WDR76: variants seen among roughly 807,000 people sequenced by gnomAD.
The protein encoded by WDR76 is WD repeat-containing protein 76.
A neutral mutation model predicts 70.2 loss-of-function variants in WDR76; 52 were observed. The ratio of observed to expected loss-of-function variants is 0.74; its 90% confidence interval spans 0.59 to 0.93. The LOEUF is 0.93. WDR76 is among the 40% of genes least tolerant of loss of function. The probability of loss-of-function intolerance (pLI) is 0.00; values close to 1 mark genes in which losing one functional copy is unlikely to be tolerated. For synonymous variants in WDR76, 292 were observed against 271.1 expected (o/e 1.08, Z -0.76); for missense variants, 756 against 760.2 (o/e 0.99, Z 0.07).
chr15:43,861,519 C>T, intron 12 of WDR76, 133 bp downstream of exon 12: 3 of 895,764 alleles, frequency 3.3e-6, no homozygotes, highest in Non-Finnish European at 5.2e-6. Flanking sequence ...ATAAGTGTCC[C>T]AGTTTGCTAG....
At chr15:43,847,263 T>G (rs1217963151) in intron 8 of WDR76, among the ~76,000 whole-genome samples, 3 of 152,038 alleles carry the variant, frequency 2.0e-5, no homozygotes, top group Non-Finnish European at 2.9e-5. Context: ...TCAATGCTTT[T>G]TTTTCTTTTT....
intron 8 of WDR76, among the ~76,000 whole-genome samples, chr15:43,850,388 C>G (rs945299607): frequency 6.6e-6 from 1 of 151,892 alleles, no homozygotes; most frequent in African/African-American, 2.4e-5. Context: ...CTCCACCTCC[C>G]GGATTCATGC....
intron 12 of WDR76, among the ~76,000 whole-genome samples, chr15:43,864,915 AT>A (rs1239110404): frequency 2.6e-5 from 4 of 151,068 alleles, no homozygotes; most frequent in African/African-American, 9.7e-5. Context: ...TATTTATTTT[AT>A]TTTTTAATTT....
intron 5 of WDR76, among the ~76,000 whole-genome samples, chr15:43,841,205 T>G (rs1354735076): frequency 2.1e-5 from 3 of 146,046 alleles, no homozygotes; most frequent in African/African-American, 5.0e-5. Flanking sequence ...TTTTTTGTTT[T>G]TTTTTTTTTT....
At chr15:43,860,366 T>C (rs1368525023) in intron 11 of WDR76, among the ~76,000 whole-genome samples, 2 of 152,228 alleles carry the variant, frequency 1.3e-5, no homozygotes, top group Non-Finnish European at 2.9e-5. Context: ...GATGTACTTT[T>C]AGGTGATTTG....
intron 5 of WDR76, among the ~76,000 whole-genome samples, chr15:43,841,728 T>C (rs2087728019): frequency 6.6e-6 from 1 of 152,204 alleles, no homozygotes; most frequent in African/African-American, 2.4e-5. Context: ...GGTTACAAAC[T>C]GTTTAAAAAA....
chr15:43,852,331 C>T (rs1458696415), intron 9 of WDR76, among the ~76,000 whole-genome samples: 1 of 150,198 alleles, frequency 6.7e-6, no homozygotes, highest in Non-Finnish European at 1.5e-5. Flanking sequence ...TTACAGGCAC[C>T]CATCATCACG....
At chr15:43,858,313 G>C (rs540094359) in intron 10 of WDR76, among the ~76,000 whole-genome samples, 1 of 145,516 alleles carries the variant, frequency 6.9e-6, no homozygotes, top group African/African-American at 2.5e-5. Context: ...GGAGTGCAAT[G>C]GCGCGATCTC....
intron 2 of WDR76, among the ~76,000 whole-genome samples, chr15:43,830,379 A>G (rs572267049): frequency 6.6e-6 from 1 of 152,148 alleles, no homozygotes; most frequent in East Asian, 1.9e-4. Flanking sequence ...CCTGACCAAC[A>G]TGGAGAAACC....
chr15:43,848,880 GTGAGCCGGCAT>G (rs2087820974), intron 8 of WDR76, among the ~76,000 whole-genome samples: 1 of 151,808 alleles, frequency 6.6e-6, no homozygotes, highest in East Asian at 1.9e-4. Flanking sequence ...AGAGGTTGCA[GTGAGCCGGCAT>G]TGCACCACTG....
In WDR76 at chr15:43,844,344, G is replaced by A. The variant is rs190170938; in HGVS notation, c.1032+290G>A. 2.8e-3 allele frequency among the ~76,000 whole-genome samples: 421 copies of A among 152,254 alleles called. 4 individuals are homozygous for A. The highest frequency in any genetic ancestry group is 9.5e-3 in the African/African-American group (395 of 41,552). ...ACATATACATTTAAAGTGGCCGGGTGCGGTGGGTCACGCCTGTAATGCCAG... is the reference window on the plus strand; with the variant it reads ...ACATATACATTTAAAGTGGCCGGGTACGGTGGGTCACGCCTGTAATGCCAG... On this transcript the variant is annotated intron_variant, in intron 8 of 12. Transcript: ENST00000263795.
At chr15:43,838,039 C>A (rs141378452) in intron 4 of WDR76, among the ~76,000 whole-genome samples, 159 of 152,110 alleles carry the variant, frequency 1.0e-3, no homozygotes, top group African/African-American at 3.7e-3. Context: ...CCACGCCCGG[C>A]TAATTTTTTG....
At chr15:43,837,786 G>A (rs983357059) in intron 4 of WDR76, among the ~76,000 whole-genome samples, 1 of 151,594 alleles carries the variant, frequency 6.6e-6, no homozygotes, top group African/African-American at 2.4e-5. Flanking sequence ...TAGAAATTAC[G>A]AATACCCCTG....
rs191328808 is a variant in WDR76, at chr15:43,842,796, T to G, written c.878+125T>G. 164 of 867,920 alleles carry G rather than the reference T, an allele frequency of 1.9e-4. No individual in the cohort carries two copies. In the African/African-American group the frequency reaches 2.3e-3, roughly 12 times the overall value. The allele number at this position is 867,920 out of a possible 1,614,324, so 53.8% of individuals were successfully genotyped here. A position where few individuals can be genotyped will look rare whatever the true frequency, so the allele number is the denominator to read the frequency against. ...TTTCCACCCTAACAACTGTTGTTTT[T>G]GTGTATTTCCTCACAAGTGTTGCCA... On this transcript the variant is annotated intron_variant, in intron 7 of 12. Coordinates refer to ENST00000263795, the MANE Select transcript of WDR76 (RefSeq NM_024908.4).
At chr15:43,829,794 C>A (rs1054539578) in intron 2 of WDR76, among the ~76,000 whole-genome samples, 1 of 152,012 alleles carries the variant, frequency 6.6e-6, no homozygotes, top group African/African-American at 2.4e-5. Flanking sequence ...GCGTGAGCCA[C>A]CGCGCCTGGC....
At chr15:43,850,621 A>G (rs2087846117) in intron 8 of WDR76, among the ~76,000 whole-genome samples, 1 of 152,178 alleles carries the variant, frequency 6.6e-6, no homozygotes, top group South Asian at 2.1e-4. Flanking sequence ...TAGAGGACAA[A>G]GTATGTTTAA....
chr15:43,840,434 ATAGT>A (rs1193999640), intron 5 of WDR76, among the ~76,000 whole-genome samples: 2 of 152,210 alleles, frequency 1.3e-5, no homozygotes, highest in Non-Finnish European at 2.9e-5. Flanking sequence ...TCAATAGAAT[ATAGT>A]TATTAATGTT....
At chr15:43,832,732 C>G (rs971826419) in intron 2 of WDR76, among the ~76,000 whole-genome samples, 1 of 139,652 alleles carries the variant, frequency 7.2e-6, no homozygotes, top group African/African-American at 2.6e-5. Context: ...CCATTGCACC[C>G]GGCTTGCTTT....
intron 9 of WDR76, among the ~76,000 whole-genome samples, chr15:43,852,340 C>A (rs987151344): frequency 6.6e-6 from 1 of 151,448 alleles, no homozygotes; most frequent in Non-Finnish European, 1.5e-5. Context: ...CCCATCATCA[C>A]GCCCGGGTAA....
Sources: allele counts gnomAD v4.1 joint callset (sites outside exome capture counted in the v4.1 genomes callset), GRCh38; gene constraint gnomAD v4.1.1; transcripts MANE v1.5; gene names NCBI Gene and HGNC (gene_info 2026-07-23, HGNC 2026-07-21).